Variants in SPATA6L observed in about 807,000 individuals in gnomAD.
The protein encoded by SPATA6L is spermatogenesis associated 6 like.
In SPATA6L, 68 loss-of-function variants were observed where a neutral mutation model predicts 49.2. The ratio of observed to expected loss-of-function variants is 1.38; its 90% CI spans 1.14 to 1.69. SPATA6L has a LOEUF of 1.69. SPATA6L is among the 40% of genes most tolerant of loss of function. The pLI, the probability that SPATA6L is intolerant of heterozygous loss-of-function variation, is 0.00. For missense variants in SPATA6L, 668 were observed against 464.3 expected, an observed-to-expected ratio of 1.44 and a Z score of -4.03; for synonymous variants, 198 against 165.7, an observed-to-expected ratio of 1.19 and a Z score of -1.50.
In SPATA6L at chr9:4,646,322, T is replaced by C. The variant is rs1038334133; in HGVS notation, c.226+9719A>G. ...TATTATTCTGAAAATAGACAAAATT[T>C]AATAGATTGGCAGAAAAAAGGCATG... is the stretch of plus-strand genomic sequence containing the variant. On this transcript the variant is annotated intron_variant, in intron 3 of 11. Transcript: ENST00000682582. The C allele has an allele frequency of 1.4e-5, 6 of 414,360 alleles. No individual in the cohort carries two copies. In the Admixed American group the frequency reaches 2.2e-4, roughly 15 times the overall value. The allele number at this position is 414,360 out of a possible 1,614,324, so 25.7% of individuals were successfully genotyped here.
intron 1 of SPATA6L, chr9:4,664,875 GACTACCTCTTC>G (rs1222491121): frequency 6.0e-6 from 1 of 167,012 alleles, no homozygotes; most frequent in African/African-American, 2.4e-5. Flanking sequence ...CCTGAATACC[GACTACCTCTTC>G]ACTTGCTAAA....
At chr9:4,650,516 T>C (rs1836571946) in intron 3 of SPATA6L, among the ~76,000 whole-genome samples, 2 of 152,042 alleles carry the variant, frequency 1.3e-5, no homozygotes, top group African/African-American at 4.8e-5. Context: ...AGAAAATCAA[T>C]ACATCTAAAA....
intron 2 of SPATA6L, among the ~76,000 whole-genome samples, chr9:4,656,743 C>T (rs764184788): frequency 4.6e-5 from 7 of 152,160 alleles, no homozygotes; most frequent in Admixed American, 6.5e-5. Context: ...CTGTTTGTTG[C>T]TAAAAGCCCA....
At chr9:4,627,748 C>G (rs1185287764) in intron 5 of SPATA6L, 3 of 1,289,286 alleles carry the variant, frequency 2.3e-6, no homozygotes, top group South Asian at 2.5e-5. Context: ...ACGCTTCACG[C>G]TTACCAAAGA....
intron 2 of SPATA6L, among the ~76,000 whole-genome samples, chr9:4,660,445 T>C (rs562735691): frequency 6.6e-6 from 1 of 152,352 alleles, no homozygotes; most frequent in African/African-American, 2.4e-5. Context: ...TCATCATCAC[T>C]GGTCATCAGA....
intron 3 of SPATA6L, among the ~76,000 whole-genome samples, chr9:4,646,803 C>T (rs1230483537): frequency 1.3e-5 from 2 of 152,054 alleles, no homozygotes; most frequent in Non-Finnish European, 2.9e-5. Flanking sequence ...AGGCCATTAT[C>T]AAACTAATGC....
At chr9:4,613,945 A>G (rs1827372070) in intron 9 of SPATA6L, among the ~76,000 whole-genome samples, 1 of 152,224 alleles carries the variant, frequency 6.6e-6, no homozygotes, top group Non-Finnish European at 1.5e-5. Flanking sequence ...TGAAGCTAGC[A>G]TTTAAAAACA....
At position 4,662,760 on chromosome 9, in the gene SPATA6L, A is replaced by T. The variant is rs1194357674; in HGVS notation, c.40-724T>A. The T allele has an allele frequency of 1.2e-6, 2 of 1,604,452 alleles. No homozygotes were observed. Among genetic ancestry groups the T allele is most frequent in the East Asian group, 4.5e-5 (2 of 44,860 alleles). ...CGCGGGAGAGAGCTCGTCGTGGGGC[A>T]GCGTGCGACCCCTTATGAAGCTGCT... is the stretch of plus-strand genomic sequence containing the variant. On this transcript the variant is annotated intron_variant, in intron 1 of 11. Transcript: ENST00000682582. This position sits in a 1 kb window ranked among gnomAD's most constrained non-coding sequence, Gnocchi z 4.9.
chr9:4,631,871 C>T (rs984203180), intron 4 of SPATA6L, among the ~76,000 whole-genome samples: 3 of 152,088 alleles, frequency 2.0e-5, no homozygotes, highest in Non-Finnish European at 4.4e-5. Context: ...TTCTGTGACC[C>T]TGAGGGCATT....
chr9:4,644,320 G>A (rs1440957754), intron 3 of SPATA6L, among the ~76,000 whole-genome samples: 2 of 150,784 alleles, frequency 1.3e-5, no homozygotes, highest in Non-Finnish European at 2.9e-5. Flanking sequence ...TTCAGTCTGA[G>A]TGACAGAGTG....
At chr9:4,621,165 T>C (rs947033045) in intron 7 of SPATA6L, among the ~76,000 whole-genome samples, 1 of 152,216 alleles carries the variant, frequency 6.6e-6, no homozygotes, top group Admixed American at 6.5e-5. Context: ...ACCATTCCTT[T>C]CCAGCCTAAG....
chr9:4,651,721 T>C (rs1836908430), intron 3 of SPATA6L, among the ~76,000 whole-genome samples: 2 of 152,180 alleles, frequency 1.3e-5, no homozygotes, highest in African/African-American at 2.4e-5. Flanking sequence ...TCTCAATAGA[T>C]GTAGAAAAGG....
chr9:4,656,903 C>A (rs146790679), intron 2 of SPATA6L, among the ~76,000 whole-genome samples: 1 of 151,424 alleles, frequency 6.6e-6, no homozygotes, highest in African/African-American at 2.5e-5. Flanking sequence ...ATTACCTATG[C>A]GTAACACAAA....
intron 10 of SPATA6L, 46 bp from the exon 11 acceptor site, chr9:4,604,315 A>T (rs1182868882): frequency 5.5e-6 from 7 of 1,269,330 alleles, no homozygotes; most frequent in Admixed American, 1.8e-5. Context: ...ATAACATAAT[A>T]GAGATGGATG....
At position 4,599,303 on chromosome 9, in the gene SPATA6L, T is replaced by C. The variant is rs1822689813; in HGVS notation, c.*1508A>G. Among the ~76,000 whole-genome samples the C allele has an allele frequency of 6.6e-6, 1 of 152,236 alleles. No homozygotes were observed. Among genetic ancestry groups the C allele is most frequent in the Non-Finnish European group, 1.5e-5 (1 of 68,042 alleles). On this transcript the variant is annotated 3_prime_UTR_variant, in exon 12 of 12. Transcript: ENST00000682582. Reference sequence around the variant, plus strand: ...TTGGGAGGTTCAACTTGGATATACCTTTATTTGGCTGAAATTCTAAGAAGA... The same window carrying C: ...TTGGGAGGTTCAACTTGGATATACCCTTATTTGGCTGAAATTCTAAGAAGA...
intron 3 of SPATA6L, among the ~76,000 whole-genome samples, chr9:4,652,247 C>G (rs1229602997): frequency 6.6e-6 from 1 of 151,870 alleles, no homozygotes; most frequent in African/African-American, 2.4e-5. Context: ...ATGGAGAAAC[C>G]CCGTCTCTAC....
intron 3 of SPATA6L, among the ~76,000 whole-genome samples, chr9:4,652,087 CA>C (rs1391368569): frequency 6.6e-6 from 1 of 152,106 alleles, no homozygotes; most frequent in Non-Finnish European, 1.5e-5. Context: ...AACTAATAAA[CA>C]AGTTCAGTAT....
chr9:4,642,026 T>A (rs1334369916), intron 3 of SPATA6L, among the ~76,000 whole-genome samples: 3 of 152,176 alleles, frequency 2.0e-5, no homozygotes, highest in Non-Finnish European at 4.4e-5. Context: ...CCTTTGCCTC[T>A]CAAAGTGCTG....
In SPATA6L at chr9:4,662,402, G is replaced by C. The variant is rs1213977611; in HGVS notation, c.40-366C>G. 1 of 1,535,618 alleles carries C rather than the reference G, an allele frequency of 6.5e-7. No homozygotes were observed. Among genetic ancestry groups the C allele is most frequent in the Admixed American group, 2.0e-5 (1 of 51,010 alleles). On this transcript the variant is annotated intron_variant, in intron 1 of 11. Transcript: ENST00000682582. The surrounding 1 kb of genome is among the most constrained non-coding windows in gnomAD (Gnocchi z 4.9). The stretch of plus-strand genomic sequence containing the variant: ...TGCCAAGTCCCCGGAGGAGCATGGA[G>C]GGACGGCCGCTGGGCGTCTCCGCTT...
Sources: allele counts gnomAD v4.1 joint callset (sites outside exome capture counted in the v4.1 genomes callset), GRCh38; gene constraint gnomAD v4.1.1; non-coding constraint Gnocchi (gnomAD v3.1); transcripts MANE v1.5; gene names NCBI Gene and HGNC (gene_info 2026-07-23, HGNC 2026-07-21).